FAM200A: variants seen among roughly 807,000 people sequenced by gnomAD.
FAM200A encodes the protein ZBED8 like, also known as protein FAM200A.
A neutral mutation model predicts 44.2 loss-of-function variants in FAM200A; 26 were observed. The observed-to-expected ratio is 0.59, with a 90% CI of 0.43 to 0.82. The LOEUF (loss-of-function observed/expected upper bound fraction) is 0.82, where lower values mean the gene tolerates loss of function less well. Among genes scored for constraint, FAM200A ranks in the 40% least tolerant of loss-of-function variants. The pLI is 0.00. For synonymous variants in FAM200A, 206 were observed against 244.4 expected (o/e 0.84, Z 1.47); for missense variants, 606 against 669.5 (o/e 0.91, Z 1.05).
At chr7:99,553,099 A>ATATATATATATAT (rs1254408398), upstream of FAM200A, among the ~76,000 whole-genome samples, 2 of 61,396 alleles carry the variant, frequency 3.3e-5, no homozygotes. Flanking sequence ...ATATATATAT[A>ATATATATATATAT]TTTTTTTTTT....
At chr7:99,553,371 C>A (rs1228893747), upstream of FAM200A, among the ~76,000 whole-genome samples, 1 of 151,972 alleles carries the variant, frequency 6.6e-6, no homozygotes, top group Non-Finnish European at 1.5e-5. Context: ...TCCAGGAAGG[C>A]AGATTACTGA....
At chr7:99,554,478 C>CAAAAAAAA (rs397889799), upstream of FAM200A, among the ~76,000 whole-genome samples, 31 of 52,156 alleles carry the variant, frequency 5.9e-4, no homozygotes, top group South Asian at 6.7e-4. Flanking sequence ...GACTCCGTCT[C>CAAAAAAAA]AAAAAAAAAA....
exon 1 of FAM200A, chr7:99,558,514 C>T (rs751960435): frequency 2.0e-5 from 3 of 152,424 alleles, no homozygotes; most frequent in African/African-American, 7.2e-5. Context: ...GGGCCCAGCT[C>T]CTCCTCCGAG....
intron 1 of FAM200A, 41 bp downstream of exon 1, chr7:99,551,813 G>A (rs1175827527): frequency 3.0e-6 from 3 of 985,140 alleles, no homozygotes; most frequent in Admixed American, 6.1e-5. Context: ...AGTCCCAGGG[G>A]TGTCTCCAAT....
At position 99,547,508 on chromosome 7, in the gene FAM200A, T is replaced by G. The variant is rs1315872271; in HGVS notation, c.900A>C (p.Glu300Asp). Residue 300 changes from glutamate (E) to aspartate (D), a missense_variant, in exon 2 of 2, where the codon GAA (glutamate) becomes GAC (aspartate). Physicochemically the swap from Glu to Asp is conservative, Grantham distance 45 (BLOSUM62 2). Transcript: ENST00000449309. ...VNHTHLLFHT[E>D]VRWLSQGKVL... ...CTTTTCCTTGAGAAAGCCAACGAAC[T>G]TCTGTATGAAACAATAAGTGGGTGT... The G allele has an allele frequency of 3.2e-6, 5 of 1,549,716 alleles. No individual in the cohort carries two copies. In the East Asian group the frequency reaches 9.8e-5, roughly 30 times the overall value.
At chr7:99,555,873 T>C (rs893795478), upstream of FAM200A, among the ~76,000 whole-genome samples, 50 of 152,004 alleles carry the variant, frequency 3.3e-4, no homozygotes, top group Admixed American at 3.3e-3. Context: ...GGCACTGTAC[T>C]CCAGCCTGGG....
chr7:99,557,708 A>C (rs138832393), intron 1 of FAM200A, among the ~76,000 whole-genome samples: 37 of 152,356 alleles, frequency 2.4e-4, no homozygotes, highest in African/African-American at 8.7e-4. Flanking sequence ...AGAATCTCCA[A>C]GAAGCTGATA....
In FAM200A at chr7:99,547,977, A is replaced by C; in HGVS notation, c.431T>G (p.Leu144Arg). The part of the protein sequence containing the change: ...LQSGIDFAIQ[L>R]DESTDIASCP... ...ACTTGCAATATCAGTGCTCTCATCG[A>C]GTTGGATTGCAAAGTCTATACCGGA... The change falls in exon 2 of 2, where the codon CTC becomes CGC. Residue 144 changes from leucine (L) to arginine (R), a missense_variant. Transcript: ENST00000449309. 6.4e-7 allele frequency: 1 copy of C among 1,551,494 alleles called. No homozygotes were observed. The highest frequency in any genetic ancestry group is 8.7e-7 in the Non-Finnish European group (1 of 1,147,000).
At chr7:99,554,209 G>A (rs1028887795), upstream of FAM200A, among the ~76,000 whole-genome samples, 2 of 152,082 alleles carry the variant, frequency 1.3e-5, no homozygotes, top group Admixed American at 6.6e-5. Flanking sequence ...GGCCGGGCAC[G>A]GTGGCTCACA....
At chr7:99,549,832 A>C (rs1562925922) in intron 1 of FAM200A, among the ~76,000 whole-genome samples, 1 of 151,932 alleles carries the variant, frequency 6.6e-6, no homozygotes, top group Non-Finnish European at 1.5e-5. Context: ...TCTCATTCAC[A>C]GGTGGGAACT....
chr7:99,553,100 T>TATATATATATATATATATA, upstream of FAM200A, among the ~76,000 whole-genome samples: 1 of 57,206 alleles, frequency 1.7e-5, no homozygotes, highest in East Asian at 6.3e-4. Context: ...TATATATATA[T>TATATATATATATATATATA]TTTTTTTTTT....
At chr7:99,554,478 CAA>C (rs397889799), upstream of FAM200A, among the ~76,000 whole-genome samples, 28 of 52,178 alleles carry the variant, frequency 5.4e-4, no homozygotes, top group African/African-American at 1.4e-3. Flanking sequence ...GACTCCGTCT[CAA>C]AAAAAAAAAA....
chr7:99,552,420 G>A (rs923262384), upstream of FAM200A, among the ~76,000 whole-genome samples: 1 of 152,200 alleles, frequency 6.6e-6, no homozygotes, highest in African/African-American at 2.4e-5. Context: ...CGAGGGTGGA[G>A]ACAGGAAGAT....
rs1397739580 is a variant in FAM200A at position 99,547,287 on chromosome 7, T to C, written c.1121A>G (p.His374Arg). The C allele has an allele frequency of 1.3e-6, 2 of 1,551,192 alleles. No homozygotes were observed. The highest frequency in any genetic ancestry group is 1.2e-5 in the South Asian group (1 of 83,922). The change falls in exon 2 of 2, where the codon CAT becomes CGT. Residue 374 changes from histidine (H) to arginine (R), a missense_variant. His to Arg is a conservative substitution (Grantham distance 29, BLOSUM62 0). Coordinates refer to ENST00000449309, the MANE Select transcript of FAM200A (RefSeq NM_145111.4). ...TAACGTCTTTTGGAATCCTAGAATA[T>C]GTTCAAGATACTGAAATATATCATT... ...KNNDIFQYLE[H>R]ILGFQKTLLL... is the part of the protein sequence containing the mutation.
chr7:99,554,038 A>G (rs1802628000), upstream of FAM200A, among the ~76,000 whole-genome samples: 1 of 152,196 alleles, frequency 6.6e-6, no homozygotes, highest in East Asian at 1.9e-4. Context: ...CAATTCTGGT[A>G]AGAACAAATT....
At chr7:99,553,309 A>G (rs140467902), upstream of FAM200A, among the ~76,000 whole-genome samples, 118 of 151,808 alleles carry the variant, frequency 7.8e-4, no homozygotes, top group African/African-American at 2.8e-3. Flanking sequence ...TTCTTTGTCT[A>G]AAGTCTCTCC....
At position 99,547,734 on chromosome 7, in the gene FAM200A, G is replaced by A. The variant is rs1305457563; in HGVS notation, c.674C>T (p.Thr225Ile). ...ANMTGKHSRL[T>I]EKLLEATHNN... Reference sequence around the variant, plus strand: ...GTGGGTTGCTTCTAACAATTTTTCAGTAAGTCTGCTGTGTTTTCCGGTCAT... The same window carrying A: ...GTGGGTTGCTTCTAACAATTTTTCAATAAGTCTGCTGTGTTTTCCGGTCAT... The change falls in exon 2 of 2, where the codon ACT becomes ATT. Residue 225 changes from threonine to isoleucine, a missense_variant. Thr to Ile is a moderately conservative substitution (Grantham distance 89). Coordinates refer to ENST00000449309, the MANE Select transcript of FAM200A (RefSeq NM_145111.4). 1 of 1,551,586 alleles carries A rather than the reference G, an allele frequency of 6.4e-7. No individual in the cohort carries two copies. The highest frequency in any genetic ancestry group is 1.4e-5 in the African/African-American group (1 of 73,146).
chr7:99,558,409 G>A (rs1467778577), exon 1 of FAM200A: 2 of 152,196 alleles, frequency 1.3e-5, no homozygotes, highest in Admixed American at 6.5e-5. Context: ...TTGGTATAAC[G>A]GCTAGAGACG....
In FAM200A at chr7:99,549,177, T is replaced by TTTTTTTTTTTTTTTTTTTTTTTTTGAG. The variant is rs1554394154; in HGVS notation, c.-99-672_-99-671insCTCAAAAAAAAAAAAAAAAAAAAAAAA. ...GAAAAAAATGAGAACTTGTATTTCT[T>TTTTTTTTTTTTTTTTTTTTTTTTTGAG]AAAAATAAGAAATTAAGCTGCATAA... On this transcript the variant is annotated intron_variant, in intron 1 of 1. Coordinates refer to ENST00000449309, the MANE Select transcript of FAM200A (RefSeq NM_145111.4). 1.4e-5 allele frequency among the ~76,000 whole-genome samples: 2 copies of TTTTTTTTTTTTTTTTTTTTTTTTTGAG among 147,614 alleles called. 1 individual carries two copies. The highest frequency in any genetic ancestry group is 1.4e-4 in the Admixed American group (2 of 14,446).
Sources: allele counts gnomAD v4.1 joint callset (sites outside exome capture counted in the v4.1 genomes callset), GRCh38; gene constraint gnomAD v4.1.1; transcripts MANE v1.5; gene names NCBI Gene and HGNC (gene_info 2026-07-23, HGNC 2026-07-21).